The following DTNB variants were observed in gnomAD, a reference collection of about 807,000 sequenced individuals.
DTNB encodes DTN-B.
A neutral mutation model predicts 90.7 loss-of-function variants in DTNB; 63 were observed. The ratio of observed to expected loss-of-function variants is 0.69; its 90% CI spans 0.57 to 0.86. DTNB has a LOEUF of 0.86. DTNB is among the 40% of genes least tolerant of loss of function. The pLI, the probability that DTNB is intolerant of heterozygous loss-of-function variation, is 0.00. For synonymous variants in DTNB, 277 were observed against 286.7 expected (o/e 0.97, Z 0.34); for missense variants, 744 against 807.1 (o/e 0.92, Z 0.95).
chr2:25,656,991 T>C (rs1412354206), intron 1 of DTNB, among the ~76,000 whole-genome samples: 2 of 152,092 alleles, frequency 1.3e-5, no homozygotes, highest in African/African-American at 4.8e-5. Flanking sequence ...CTGGCCAACA[T>C]GGTGAAACCC....
chr2:25,511,441 C>G (rs1052686132), intron 9 of DTNB, among the ~76,000 whole-genome samples: 3 of 152,068 alleles, frequency 2.0e-5, no homozygotes, highest in Non-Finnish European at 4.4e-5. Context: ...AAACGATACT[C>G]CTATATCAGC....
intron 1 of DTNB, among the ~76,000 whole-genome samples, chr2:25,673,106 C>A (rs931181994): frequency 6.6e-6 from 1 of 151,826 alleles, no homozygotes; most frequent in East Asian, 1.9e-4. Context: ...CGCGCCCGTG[C>A]CCCGGCGCGT....
intron 9 of DTNB, among the ~76,000 whole-genome samples, chr2:25,513,719 T>G (rs1225713856): frequency 8.1e-6 from 1 of 123,286 alleles, no homozygotes; most frequent in African/African-American, 3.2e-5. Context: ...AGAGCAAAAC[T>G]CCATCTCAAA....
intron 3 of DTNB, among the ~76,000 whole-genome samples, chr2:25,630,361 C>A (rs79999892): frequency 4.6e-5 from 7 of 152,172 alleles, no homozygotes; most frequent in African/African-American, 1.7e-4. Context: ...AGGTCCCATA[C>A]GACCCAGCAA....
chr2:25,412,588 T>C (rs2046879736), intron 16 of DTNB, among the ~76,000 whole-genome samples: 1 of 152,198 alleles, frequency 6.6e-6, no homozygotes, highest in Admixed American at 6.5e-5. Flanking sequence ...CTATTAAACA[T>C]ATATAAAGTC....
At chr2:25,389,461 T>G (rs922685884) in intron 16 of DTNB, among the ~76,000 whole-genome samples, 1 of 152,210 alleles carries the variant, frequency 6.6e-6, no homozygotes, top group Non-Finnish European at 1.5e-5. Context: ...AACCAAGCTT[T>G]CCTTGGGAGG....
At chr2:25,622,566 C>T (rs1265118707) in intron 4 of DTNB, among the ~76,000 whole-genome samples, 3 of 152,080 alleles carry the variant, frequency 2.0e-5, no homozygotes, top group Admixed American at 6.5e-5. Context: ...CTGTAAGGCA[C>T]CCCATACTCC....
chr2:25,470,990 T>A (rs1044747302), intron 10 of DTNB, among the ~76,000 whole-genome samples: 2 of 152,236 alleles, frequency 1.3e-5, no homozygotes, highest in African/African-American at 4.8e-5. Context: ...CAAAGGACTT[T>A]AGCCACAAAG....
At chr2:25,672,210 A>AAT (rs2086116611) in intron 1 of DTNB, among the ~76,000 whole-genome samples, 1 of 142,378 alleles carries the variant, frequency 7.0e-6, no homozygotes, top group African/African-American at 2.6e-5. Flanking sequence ...TAGCAAAAAA[A>AAT]AAAAAAAAAA....
chr2:25,555,770 C>G (rs2057235073), intron 8 of DTNB, among the ~76,000 whole-genome samples: 2 of 152,086 alleles, frequency 1.3e-5, no homozygotes, highest in African/African-American at 4.8e-5. Context: ...AATCCCAGTC[C>G]TTTGGGAGGC....
At chr2:25,614,770 A>G (rs1374281684) in intron 4 of DTNB, among the ~76,000 whole-genome samples, 2 of 152,182 alleles carry the variant, frequency 1.3e-5, no homozygotes, top group African/African-American at 2.4e-5. Context: ...GGGGAAAAAC[A>G]AAACAAAACA....
chr2:25,577,510 T>C (rs1048290466), intron 7 of DTNB, among the ~76,000 whole-genome samples: 7 of 147,056 alleles, frequency 4.8e-5, no homozygotes, highest in African/African-American at 1.8e-4. Context: ...AGCCATTTAC[T>C]AGAAAAAAAA....
At chr2:25,433,059 T>C in intron 13 of DTNB, 60 bp from the exon 14 acceptor site, 2 of 1,473,152 alleles carry the variant, frequency 1.4e-6, no homozygotes, top group Non-Finnish European at 1.8e-6. Flanking sequence ...CGCTCCCTCT[T>C]TCCCTATTAC....
intron 2 of DTNB, among the ~76,000 whole-genome samples, chr2:25,643,311 C>T (rs1369326605): frequency 6.6e-6 from 1 of 152,146 alleles, no homozygotes; most frequent in Non-Finnish European, 1.5e-5. Flanking sequence ...CCCTTCTGAA[C>T]CCCAGTGCTT....
At chr2:25,416,258 G>C (rs891796974) in intron 16 of DTNB, among the ~76,000 whole-genome samples, 1 of 152,202 alleles carries the variant, frequency 6.6e-6, no homozygotes, top group Non-Finnish European at 1.5e-5. Context: ...AAATCCCTAA[G>C]GGGAATGAAG....
intron 6 of DTNB, among the ~76,000 whole-genome samples, chr2:25,594,260 G>A (rs1369201974): frequency 6.6e-6 from 1 of 152,190 alleles, no homozygotes; most frequent in African/African-American, 2.4e-5. Context: ...GAAGCATGGA[G>A]ATATTTTTAA....
At chr2:25,506,052 CA>C (rs2072326390) in intron 9 of DTNB, among the ~76,000 whole-genome samples, 2 of 152,154 alleles carry the variant, frequency 1.3e-5, no homozygotes, top group Non-Finnish European at 2.9e-5. Flanking sequence ...ACAAATATCA[CA>C]TATTCTCAGT....
intron 2 of DTNB, among the ~76,000 whole-genome samples, chr2:25,647,751 TA>T (rs767330030): frequency 6.6e-6 from 1 of 151,760 alleles, no homozygotes; most frequent in Non-Finnish European, 1.5e-5. Flanking sequence ...AATAAAAAGA[TA>T]TTTTTAAGTA....
intron 2 of DTNB, among the ~76,000 whole-genome samples, chr2:25,639,547 G>C (rs2148834359): frequency 6.6e-6 from 1 of 151,478 alleles, no homozygotes; most frequent in African/African-American, 2.4e-5. Flanking sequence ...GGAAATGAGG[G>C]AACGGACCGG....
Sources: gnomAD v4.1 joint callset for allele counts (sites outside exome capture counted in the v4.1 genomes callset) on GRCh38, gnomAD v4.1.1 for gene constraint, MANE v1.5 for transcripts, NCBI Gene and HGNC (gene_info 2026-07-23, HGNC 2026-07-21) for gene names.